Variants in AGAP1 observed in about 807,000 individuals in gnomAD.
The protein encoded by AGAP1 is arf-GAP with GTPase, ANK repeat and PH domain-containing protein 1.
In AGAP1, 29 loss-of-function variants were observed where a neutral mutation model predicts 105.3. That is an observed-to-expected ratio of 0.28 (90% confidence interval 0.21 to 0.38). AGAP1 has a LOEUF of 0.38. AGAP1 is among the 10% of genes least tolerant of loss of function. AGAP1 has a pLI of 1.00. For synonymous variants in AGAP1, 509 were observed against 485.9 expected, an observed-to-expected ratio of 1.05 and a Z score of -0.63; for missense variants, 998 against 1,165.1, an observed-to-expected ratio of 0.86 and a Z score of 2.09.
At chr2:235,506,258 C>T (rs1285096856) in intron 1 of AGAP1, among the ~76,000 whole-genome samples, 1 of 151,972 alleles carries the variant, frequency 6.6e-6, no homozygotes, top group African/African-American at 2.4e-5. Context: ...TTATTTAGCT[C>T]GGGTTTCAAT....
At position 235,930,731 on chromosome 2, in the gene AGAP1, C is replaced by G. The variant is rs369052574; in HGVS notation, c.1325-34C>G. 1.2e-6 allele frequency: 2 copies of G among 1,603,382 alleles called. No individual in the cohort carries two copies. The highest frequency in any genetic ancestry group is 2.7e-5 in the African/African-American group (2 of 74,762). On this transcript the variant is annotated intron_variant, in intron 11 of 17. Transcript: ENST00000304032. The surrounding 1 kb of genome is among the most constrained non-coding windows in gnomAD (Gnocchi z 7.9). ...GCGCTGGTTTCTGTGGTCTGCAGTC[C>G]GCGGTGGTGTTCACCTGACTTGTTT... is the stretch of plus-strand genomic sequence containing the variant.
rs1469626201 is a variant in AGAP1, at chr2:235,620,564, C to T, written c.164-88615C>T. On this transcript the variant is annotated intron_variant, in intron 1 of 17. Transcript: ENST00000304032. This position sits in a 1 kb window ranked among gnomAD's most constrained non-coding sequence, Gnocchi z 4.5. ...GCCCTCGCATCCTTCAGCCTCACCTCCAGTGTCATTGAGGACCCTCCGTGG... is the reference window on the plus strand; with the variant it reads ...GCCCTCGCATCCTTCAGCCTCACCTTCAGTGTCATTGAGGACCCTCCGTGG... Among the ~76,000 whole-genome samples, 3 of 152,210 alleles carry T rather than the reference C, an allele frequency of 2.0e-5. No homozygotes were observed. Among genetic ancestry groups the T allele is most frequent in the Non-Finnish European group, 4.4e-5 (3 of 68,036 alleles).
intron 16 of AGAP1, among the ~76,000 whole-genome samples, chr2:236,088,713 C>T (rs990726846): frequency 2.6e-5 from 4 of 152,154 alleles, no homozygotes; most frequent in African/African-American, 4.8e-5. Context: ...CATAGTAAAA[C>T]CATAGATTCT....
rs1027425611 is a variant in AGAP1 at position 235,623,290 on chromosome 2, A to G, written c.164-85889A>G. On this transcript the variant is annotated intron_variant, in intron 1 of 17. Transcript: ENST00000304032. This position sits in a 1 kb window ranked among gnomAD's most constrained non-coding sequence, Gnocchi z 4.5. ...TTGATCGTATTACAGCATGTTGGGC[A>G]TGTCAAATGAATCTGGGCGTTAGCC... Among the ~76,000 whole-genome samples the G allele has an allele frequency of 4.6e-5, 7 of 151,838 alleles. No individual in the cohort carries two copies. Among genetic ancestry groups the G allele is most frequent in the Non-Finnish European group, 7.3e-5 (5 of 68,054 alleles).
rs1215668126 is a variant in AGAP1, at chr2:235,551,997, T to C, written c.163+57148T>C. Among the ~76,000 whole-genome samples the C allele has an allele frequency of 6.6e-6, 1 of 152,210 alleles. No homozygotes were observed. The highest frequency in any genetic ancestry group is 2.4e-5 in the African/African-American group (1 of 41,448). On this transcript the variant is annotated intron_variant, in intron 1 of 17. Transcript: ENST00000304032. This position sits in a 1 kb window ranked among gnomAD's most constrained non-coding sequence, Gnocchi z 4.8. ...ACAAGATTTCTTGAAAGAACTCTAG[T>C]TGGAGTTGTAGAGCTAATGTTTTTT...
intron 16 of AGAP1, among the ~76,000 whole-genome samples, chr2:236,081,883 A>G (rs980501341): frequency 2.0e-5 from 3 of 152,126 alleles, no homozygotes; most frequent in African/African-American, 2.4e-5. Context: ...CCCTCCTATT[A>G]GCCTATGAAA....
chr2:236,117,742 T>C (rs2059805159), intron 16 of AGAP1, among the ~76,000 whole-genome samples: 1 of 152,226 alleles, frequency 6.6e-6, no homozygotes, highest in Admixed American at 6.5e-5. Flanking sequence ...TCCTTCTCTT[T>C]TGTGATTTAT....
At chr2:236,065,489 C>T (rs773897944) in intron 16 of AGAP1, among the ~76,000 whole-genome samples, 20 of 152,200 alleles carry the variant, frequency 1.3e-4, no homozygotes, top group Non-Finnish European at 2.9e-4. Flanking sequence ...CCTTTTCTGA[C>T]ATGTTGCTAA....
At chr2:235,646,783 C>T (rs78115872) in intron 1 of AGAP1, among the ~76,000 whole-genome samples, 5,556 of 152,306 alleles carry the variant, frequency 0.036, 281 homozygotes, top group African/African-American at 0.11. Flanking sequence ...GCCTTCTGTA[C>T]AACCTCCTGG....
intron 1 of AGAP1, among the ~76,000 whole-genome samples, chr2:235,653,929 G>T (rs549556816): frequency 2.6e-5 from 4 of 152,042 alleles, no homozygotes; most frequent in Admixed American, 2.6e-4. Context: ...GGTGGCAGGC[G>T]CCTGTAATCC....
rs1426814503 is a variant in AGAP1 at position 235,845,890 on chromosome 2, C to A, written c.1051-37455C>A. ...TGGTTTCCAACCTTCAGTCTGTAGC[C>A]CTCAGATATGCCCTCCTTCCTGCAC... On this transcript the variant is annotated intron_variant, in intron 9 of 17. Transcript: ENST00000304032. The surrounding 1 kb of genome is among the most constrained non-coding windows in gnomAD (Gnocchi z 4.8). Among the ~76,000 whole-genome samples the A allele has an allele frequency of 6.6e-6, 1 of 151,988 alleles. No individual in the cohort carries two copies. Among genetic ancestry groups the A allele is most frequent in the East Asian group, 1.9e-4 (1 of 5,166 alleles).
At chr2:235,499,710 T>C (rs563236347) in intron 1 of AGAP1, among the ~76,000 whole-genome samples, 21 of 152,336 alleles carry the variant, frequency 1.4e-4, no homozygotes, top group African/African-American at 4.8e-4. Flanking sequence ...GTGTCACTCA[T>C]GACCAGCCTT....
chr2:235,731,699 C>T (rs1157237009), intron 3 of AGAP1, among the ~76,000 whole-genome samples: 2 of 152,140 alleles, frequency 1.3e-5, no homozygotes, highest in African/African-American at 4.8e-5. Flanking sequence ...TTATGAGCCA[C>T]TTGTGACGTT....
rs1355462609 is a variant in AGAP1 at position 236,072,990 on chromosome 2, A to G, written c.2114+23709A>G. Among the ~76,000 whole-genome samples the G allele has an allele frequency of 3.3e-5, 5 of 151,668 alleles. No individual in the cohort carries two copies. In the East Asian group the frequency reaches 9.7e-4, roughly 29 times the overall value. ...AGCAATGTAAAAAAGCATTCAGGAG[A>G]TATTTATATTCTTTTTTTTTTTTTC... On this transcript the variant is annotated intron_variant, in intron 16 of 17. Coordinates refer to ENST00000304032, the MANE Select transcript of AGAP1 (RefSeq NM_001037131.3).
At chr2:236,097,816 C>T (rs1461492506) in intron 16 of AGAP1, among the ~76,000 whole-genome samples, 1 of 152,126 alleles carries the variant, frequency 6.6e-6, no homozygotes, top group Non-Finnish European at 1.5e-5. Context: ...CTATTAAATA[C>T]AAACTCCCAC....
At chr2:236,013,486 T>G (rs1168506275) in intron 13 of AGAP1, among the ~76,000 whole-genome samples, 3 of 152,216 alleles carry the variant, frequency 2.0e-5, no homozygotes, top group Admixed American at 2.0e-4. Flanking sequence ...TGGGGTTGAT[T>G]AGGGAGCTGA....
chr2:236,091,561 C>T (rs893892414), intron 16 of AGAP1, among the ~76,000 whole-genome samples: 2 of 152,138 alleles, frequency 1.3e-5, no homozygotes, highest in African/African-American at 2.4e-5. Flanking sequence ...GCTTGAGCCA[C>T]GAGAGTTCAA....
At chr2:236,033,669 G>A (rs995825943) in intron 13 of AGAP1, among the ~76,000 whole-genome samples, 2 of 152,222 alleles carry the variant, frequency 1.3e-5, no homozygotes, top group African/African-American at 4.8e-5. Context: ...CTGCATGCTG[G>A]AATCCCTTCC....
rs10167724 is a variant in AGAP1 at position 235,609,123 on chromosome 2, C to A, written c.164-100056C>A. Among the ~76,000 whole-genome samples, 2 of 151,928 alleles carry A rather than the reference C, an allele frequency of 1.3e-5. No individual in the cohort carries two copies. Among genetic ancestry groups the A allele is most frequent in the South Asian group, 2.1e-4 (1 of 4,822 alleles). On this transcript the variant is annotated intron_variant, in intron 1 of 17. Transcript: ENST00000304032. This position sits in a 1 kb window ranked among gnomAD's most constrained non-coding sequence, Gnocchi z 5.1. Reference sequence around the variant, plus strand: ...CACAGGGGGCTGATGAATTTGTTTCCTTCTTGCCTTATTTTTGGCAGTTTT... The same window carrying A: ...CACAGGGGGCTGATGAATTTGTTTCATTCTTGCCTTATTTTTGGCAGTTTT...
Sources: gnomAD v4.1 joint callset for allele counts (sites outside exome capture counted in the v4.1 genomes callset) on GRCh38, gnomAD v4.1.1 for gene constraint, Gnocchi (gnomAD v3.1) non-coding constraint, MANE v1.5 for transcripts, NCBI Gene and HGNC (gene_info 2026-07-23, HGNC 2026-07-21) for gene names.